The following ITPRID1 variants were observed in gnomAD, a reference collection of about 807,000 sequenced individuals.
ITPRID1 encodes ITPR interacting domain containing 1.
In ITPRID1, 96 loss-of-function variants were observed where a neutral mutation model predicts 95.4. The ratio of observed to expected loss-of-function variants is 1.01; its 90% confidence interval spans 0.85 to 1.19. The LOEUF is 1.19. Ranked by LOEUF, ITPRID1 falls within the 50% of genes most tolerant of loss-of-function variation. The pLI, the probability that ITPRID1 is intolerant of heterozygous loss-of-function variation, is 0.00. For missense variants in ITPRID1, 1,339 were observed against 1,252.9 expected, an observed-to-expected ratio of 1.07 and a Z score of -1.04; for synonymous variants, 510 against 453.6, an observed-to-expected ratio of 1.12 and a Z score of -1.58.
intron 10 of ITPRID1, among the ~76,000 whole-genome samples, chr7:31,590,513 T>C (rs1214797662): frequency 6.6e-6 from 1 of 152,190 alleles, no homozygotes; most frequent in Non-Finnish European, 1.5e-5. Flanking sequence ...AAAGTCAATA[T>C]GTGGCAAGCA....
In ITPRID1 at chr7:31,642,699, C is replaced by G; in HGVS notation, c.1329C>G (p.Asn443Lys). ...PLPLQMPSLP[N>K]SQSPAENGGR... ...CCCTACAGATGCCTTCCTTGCCAAA[C>G]AGCCAGAGTCCTGCTGAGAATGGAG... Residue 443 changes from asparagine (N) to lysine (K), a missense_variant, in exon 12 of 15, where the codon AAC becomes AAG. By Grantham distance (94) the Asn-to-Lys change is moderately conservative. Coordinates refer to ENST00000615280, the MANE Select transcript of ITPRID1 (RefSeq NM_001257967.3). 6.2e-7 allele frequency: 1 copy of G among 1,613,416 alleles called. No individual in the cohort carries two copies. The highest frequency in any genetic ancestry group is 8.5e-7 in the Non-Finnish European group (1 of 1,179,540).
chr7:31,555,771 C>T (rs540884036), intron 5 of ITPRID1, among the ~76,000 whole-genome samples: 1 of 152,186 alleles, frequency 6.6e-6, no homozygotes, highest in Non-Finnish European at 1.5e-5. Flanking sequence ...TTCACTTCCT[C>T]TACTGCCATC....
chr7:31,526,045 G>T (rs1304068401), intron 1 of ITPRID1, among the ~76,000 whole-genome samples: 1 of 152,100 alleles, frequency 6.6e-6, no homozygotes, highest in East Asian at 1.9e-4. Flanking sequence ...TCTAGCCAGG[G>T]CTCTTGGCCC....
intron 10 of ITPRID1, among the ~76,000 whole-genome samples, chr7:31,625,215 C>A (rs537315983): frequency 6.6e-6 from 1 of 152,118 alleles, no homozygotes; most frequent in East Asian, 1.9e-4. Flanking sequence ...GTCAGTGTGG[C>A]GATTCCTCAG....
chr7:31,600,755 G>A (rs978910298), intron 10 of ITPRID1, among the ~76,000 whole-genome samples: 7 of 152,110 alleles, frequency 4.6e-5, no homozygotes, highest in African/African-American at 1.7e-4. Context: ...TTCTGGTGGA[G>A]TGTACCCGGA....
rs372420153 is a variant in ITPRID1 at position 31,578,292 on chromosome 7, C to A, written c.1028C>A (p.Pro343Gln). Residue 343 changes from proline (P) to glutamine (Q), a missense_variant, in exon 9 of 15, where the codon CCG becomes CAG. By Grantham distance (76) the Pro-to-Gln change is moderately conservative. Coordinates refer to ENST00000615280, the MANE Select transcript of ITPRID1 (RefSeq NM_001257967.3). ...LSKQWPCSSM[P>Q]AKQAPPSCVS... Reference sequence around the variant, plus strand: ...AAGCAGTGGCCTTGCTCATCTATGCCGGCCAAGCAGGCTCCTCCTTCCTGT... The same window carrying A: ...AAGCAGTGGCCTTGCTCATCTATGCAGGCCAAGCAGGCTCCTCCTTCCTGT... 30 of 1,613,744 alleles carry A rather than the reference C, an allele frequency of 1.9e-5. No individual in the cohort carries two copies. The highest frequency in any genetic ancestry group is 2.4e-5 in the Non-Finnish European group (28 of 1,179,830).
intron 1 of ITPRID1, among the ~76,000 whole-genome samples, chr7:31,545,850 T>C (rs1168637682): frequency 1.3e-5 from 2 of 152,108 alleles, no homozygotes; most frequent in Non-Finnish European, 2.9e-5. Flanking sequence ...TTTGGAAATC[T>C]TTACAAGTGT....
chr7:31,544,530 G>A (rs1440196624), intron 1 of ITPRID1, among the ~76,000 whole-genome samples: 1 of 152,050 alleles, frequency 6.6e-6, no homozygotes, highest in Non-Finnish European at 1.5e-5. Flanking sequence ...CCAGAACCAA[G>A]GATTCCTCTT....
chr7:31,641,353 A>T (rs1789996932), intron 10 of ITPRID1, among the ~76,000 whole-genome samples: 1 of 152,168 alleles, frequency 6.6e-6, no homozygotes, highest in Non-Finnish European at 1.5e-5. Context: ...CCCAGGACAG[A>T]CAAGGCTCCT....
At chr7:31,566,455 A>G (rs1367106172) in intron 5 of ITPRID1, among the ~76,000 whole-genome samples, 2 of 152,202 alleles carry the variant, frequency 1.3e-5, no homozygotes, top group Non-Finnish European at 2.9e-5. Context: ...AGAACCATGC[A>G]ATGTTTTAGG....
At chr7:31,516,473 C>T (rs930180988) in intron 1 of ITPRID1, among the ~76,000 whole-genome samples, 3 of 152,162 alleles carry the variant, frequency 2.0e-5, no homozygotes, top group African/African-American at 7.2e-5. Flanking sequence ...TGATATCCCG[C>T]AAATCTCAGA....
intron 14 of ITPRID1, 45 bp from the exon 15 acceptor site, chr7:31,652,473 A>G: frequency 6.5e-7 from 1 of 1,531,248 alleles, no homozygotes; most frequent in Non-Finnish European, 8.8e-7. Flanking sequence ...GTTTGGTGCC[A>G]ATGTGATGTG....
intron 10 of ITPRID1, among the ~76,000 whole-genome samples, chr7:31,600,517 T>C (rs748631964): frequency 9.9e-5 from 15 of 152,126 alleles, no homozygotes; most frequent in Admixed American, 3.3e-4. Flanking sequence ...AACCAAGTCA[T>C]AAAGTAAAAT....
At chr7:31,548,640 T>C (rs774230333) in intron 1 of ITPRID1, among the ~76,000 whole-genome samples, 2 of 152,096 alleles carry the variant, frequency 1.3e-5, no homozygotes, top group Non-Finnish European at 2.9e-5. Context: ...GATGAAGTGA[T>C]GTTCACTGCC....
At chr7:31,609,502 T>C (rs1786771741) in intron 10 of ITPRID1, among the ~76,000 whole-genome samples, 1 of 151,646 alleles carries the variant, frequency 6.6e-6, no homozygotes, top group African/African-American at 2.4e-5. Context: ...TCTATTAAAA[T>C]TTTCTGTTTC....
At chr7:31,542,077 A>G (rs984708019) in intron 1 of ITPRID1, among the ~76,000 whole-genome samples, 1 of 152,194 alleles carries the variant, frequency 6.6e-6, no homozygotes, top group Non-Finnish European at 1.5e-5. Context: ...ATGCCTCCTT[A>G]TAATCTTCTT....
chr7:31,598,691 C>T (rs914432134), intron 10 of ITPRID1, among the ~76,000 whole-genome samples: 2 of 152,032 alleles, frequency 1.3e-5, no homozygotes, highest in African/African-American at 4.8e-5. Flanking sequence ...GCGTGAGCCA[C>T]CGCGCTCGGT....
chr7:31,617,820 C>CTATT (rs1787408448), intron 10 of ITPRID1, among the ~76,000 whole-genome samples: 3 of 152,080 alleles, frequency 2.0e-5, no homozygotes, highest in Admixed American at 1.3e-4. Flanking sequence ...TATTTGGAGA[C>CTATT]TATTTAAGTT....
chr7:31,656,840 A>T (rs766604405), downstream of ITPRID1, among the ~76,000 whole-genome samples: 2 of 151,804 alleles, frequency 1.3e-5, no homozygotes, highest in Non-Finnish European at 2.9e-5. Context: ...TACTCTCCTA[A>T]TTCTCCAAAA....
Sources: gnomAD v4.1 joint callset for allele counts (sites outside exome capture counted in the v4.1 genomes callset) on GRCh38, gnomAD v4.1.1 for gene constraint, MANE v1.5 for transcripts, NCBI Gene and HGNC (gene_info 2026-07-23, HGNC 2026-07-21) for gene names.